RERE: variants seen among roughly 807,000 people sequenced by gnomAD.
RERE encodes the protein arginine-glutamic acid dipeptide repeats protein.
Under a neutral mutation model 146.1 loss-of-function variants are expected in RERE, and 40 were observed. That is an observed-to-expected ratio of 0.27 (90% CI 0.21 to 0.36). The LOEUF is 0.36. Among genes scored for constraint, RERE ranks in the 10% least tolerant of loss-of-function variants. The pLI, the probability that RERE is intolerant of heterozygous loss-of-function variation, is 1.00. For synonymous variants in RERE, 1,003 were observed against 866.0 expected (o/e 1.16, Z -2.78); for missense variants, 1,933 against 2,138.7 (o/e 0.90, Z 1.90).
At chr1:8,584,278 G>A (rs1201685819) in intron 4 of RERE, among the ~76,000 whole-genome samples, 1 of 152,112 alleles carries the variant, frequency 6.6e-6, no homozygotes, top group Non-Finnish European at 1.5e-5. Context: ...AATAGGCACT[G>A]GGCATGGTGA....
rs773570519 is a variant in RERE at position 8,360,265 on chromosome 1, G to T, written c.3242C>A (p.Ala1081Glu). The T allele has an allele frequency of 6.4e-7, 1 of 1,571,772 alleles. No homozygotes were observed. Among genetic ancestry groups the T allele is most frequent in the Admixed American group, 1.8e-5 (1 of 55,256 alleles). ...SGAAASGGSIAGGSSCPLPTV... is the reference protein window; with the variant it reads ...SGAAASGGSIEGGSSCPLPTV... ...GGGGAGTGGGCAGGACGACCCCCCC[G>T]CTATGCTGCCTCCTGAAGCCGCCGC... Residue 1081 changes from alanine (A) to glutamate (E), a missense_variant, in exon 18 of 23, where the codon GCG becomes GAG. By Grantham distance (107) the Ala-to-Glu change is moderately radical. Coordinates refer to ENST00000400908, the MANE Select transcript of RERE (RefSeq NM_001042681.2).
At chr1:8,376,894 T>C (rs1642277072) in intron 12 of RERE, among the ~76,000 whole-genome samples, 1 of 152,198 alleles carries the variant, frequency 6.6e-6, no homozygotes. Flanking sequence ...GTGGGTCTGC[T>C]GAACCTCTAT....
At chr1:8,683,319 A>C (rs763293151) in intron 1 of RERE, among the ~76,000 whole-genome samples, 1 of 152,072 alleles carries the variant, frequency 6.6e-6, no homozygotes, top group Non-Finnish European at 1.5e-5. Context: ...TTGTTCCTTC[A>C]TCTTTTCCCC....
intron 8 of RERE, among the ~76,000 whole-genome samples, chr1:8,506,383 A>G (rs1645250421): frequency 6.6e-6 from 1 of 152,206 alleles, no homozygotes; most frequent in South Asian, 2.1e-4. Flanking sequence ...AAACTATGTG[A>G]CCCTGATAGT....
chr1:8,739,594 G>A (rs534370357), intron 1 of RERE, among the ~76,000 whole-genome samples: 53 of 152,204 alleles, frequency 3.5e-4, no homozygotes, highest in African/African-American at 1.3e-3. Context: ...CGGAGGAAAA[G>A]CAAAAGGCCC....
intron 17 of RERE, 34 bp from the exon 18 acceptor site, chr1:8,361,524 G>C (rs1257781476): frequency 1.9e-5 from 31 of 1,604,138 alleles, no homozygotes; most frequent in Non-Finnish European, 2.5e-5. Flanking sequence ...GGAAGTCCCA[G>C]GAGGGCAGAG....
At chr1:8,498,711 A>T (rs1404109129) in intron 8 of RERE, among the ~76,000 whole-genome samples, 34 of 119,416 alleles carry the variant, frequency 2.8e-4, no homozygotes, top group African/African-American at 1.3e-3. Context: ...AAAAAAAAAT[A>T]AAAAAAAAAA....
intron 10 of RERE, among the ~76,000 whole-genome samples, chr1:8,473,773 G>A (rs1056348317): frequency 6.6e-6 from 1 of 152,188 alleles, no homozygotes; most frequent in Non-Finnish European, 1.5e-5. Flanking sequence ...CCTCAGCTGG[G>A]TCACAGAAAA....
At chr1:8,402,257 C>A (rs1643288119) in intron 12 of RERE, among the ~76,000 whole-genome samples, 1 of 152,166 alleles carries the variant, frequency 6.6e-6, no homozygotes, top group Non-Finnish European at 1.5e-5. Flanking sequence ...AATGCAGTGG[C>A]CAAGTATAGG....
At chr1:8,675,322 T>A (rs1638809534) in intron 1 of RERE, among the ~76,000 whole-genome samples, 1 of 151,932 alleles carries the variant, frequency 6.6e-6, no homozygotes, top group South Asian at 2.1e-4. Flanking sequence ...CATGATATGA[T>A]ACAGATAAAA....
At chr1:8,444,354 C>T (rs975159693) in intron 11 of RERE, among the ~76,000 whole-genome samples, 2 of 152,298 alleles carry the variant, frequency 1.3e-5, no homozygotes, top group Admixed American at 6.5e-5. Flanking sequence ...TATCCAATGC[C>T]TATACCCGCA....
intron 7 of RERE, among the ~76,000 whole-genome samples, chr1:8,538,337 C>T (rs1192518240): frequency 6.6e-6 from 1 of 152,222 alleles, no homozygotes; most frequent in East Asian, 1.9e-4. Context: ...AGGAAACCAG[C>T]TTATCATACA....
rs944014723 is a variant in RERE at position 8,471,628 on chromosome 1, G to A, written c.1105-5605C>T. Among the ~76,000 whole-genome samples, 7 of 150,082 alleles carry A rather than the reference G, an allele frequency of 4.7e-5. No homozygotes were observed. The South Asian group carries it at 6.5e-4, about 14-fold the overall frequency. Reference sequence around the variant, plus strand: ...CCTGGGCTCAAGCAATCCTCCTGCCGCAGCCTCCCAAGTAGCTCAGCTTAC... The same window carrying A: ...CCTGGGCTCAAGCAATCCTCCTGCCACAGCCTCCCAAGTAGCTCAGCTTAC... On this transcript the variant is annotated intron_variant, in intron 10 of 22. Coordinates refer to ENST00000400908, the MANE Select transcript of RERE (RefSeq NM_001042681.2).
intron 1 of RERE, among the ~76,000 whole-genome samples, chr1:8,797,469 A>G (rs1386290746): frequency 6.6e-6 from 1 of 152,172 alleles, no homozygotes; most frequent in African/African-American, 2.4e-5. Flanking sequence ...ATCTTAGCGT[A>G]AACACACATA....
At chr1:8,697,625 G>A (rs1468097820) in intron 1 of RERE, among the ~76,000 whole-genome samples, 4 of 152,088 alleles carry the variant, frequency 2.6e-5, no homozygotes, top group Non-Finnish European at 2.9e-5. Context: ...TCCTGACCTC[G>A]TGATCCGCCG....
chr1:8,718,310 A>G (rs559331776), intron 1 of RERE, among the ~76,000 whole-genome samples: 2 of 152,248 alleles, frequency 1.3e-5, no homozygotes, highest in Non-Finnish European at 2.9e-5. Context: ...AAACAGGGTC[A>G]GATAAGAATT....
chr1:8,774,741 T>C (rs1481433465), intron 1 of RERE, among the ~76,000 whole-genome samples: 2 of 152,024 alleles, frequency 1.3e-5, no homozygotes, highest in African/African-American at 2.4e-5. Context: ...TAGTCTATTA[T>C]ACAGAATAAA....
intron 1 of RERE, among the ~76,000 whole-genome samples, chr1:8,739,333 CTG>C (rs1569678668): frequency 6.6e-6 from 1 of 152,136 alleles, no homozygotes. Flanking sequence ...GCAATCCACT[CTG>C]TGAAATTTGC....
At chr1:8,681,215 C>A (rs568519455) in intron 1 of RERE, among the ~76,000 whole-genome samples, 1 of 152,152 alleles carries the variant, frequency 6.6e-6, no homozygotes, top group African/African-American at 2.4e-5. Context: ...CACTTTCTCA[C>A]TGGTGCAGGC....
Sources: gnomAD v4.1 joint callset for allele counts (sites outside exome capture counted in the v4.1 genomes callset) on GRCh38, gnomAD v4.1.1 for gene constraint, MANE v1.5 for transcripts, NCBI Gene and HGNC (gene_info 2026-07-23, HGNC 2026-07-21) for gene names.